Variants in CIB2 observed in about 807,000 individuals in gnomAD.
CIB2 encodes calcium and integrin binding family member 2, also known as calcium and integrin-binding family member 2.
In CIB2, 19 loss-of-function variants were observed where a neutral mutation model predicts 23.1. That is an observed-to-expected ratio of 0.82 (90% CI 0.57 to 1.21). The LOEUF is 1.21. CIB2 is among the 50% of genes most tolerant of loss of function. The pLI is 0.00. For synonymous variants in CIB2, 94 were observed against 91.7 expected, an observed-to-expected ratio of 1.03 and a Z score of -0.14; for missense variants, 220 against 241.5, an observed-to-expected ratio of 0.91 and a Z score of 0.59.
At position 78,105,490 on chromosome 15, in the gene CIB2, C is replaced by T. The variant is rs952748198; in HGVS notation, c.543-158G>A. Reference sequence around the variant, plus strand: ...GCAGGTAATCAACACTGGGGGAAGACGGAGGAACAGCGGTGCCCAGGGAGT... The same window carrying T: ...GCAGGTAATCAACACTGGGGGAAGATGGAGGAACAGCGGTGCCCAGGGAGT... On this transcript the variant is annotated intron_variant, in intron 5 of 5. Coordinates refer to ENST00000258930, the MANE Select transcript of CIB2 (RefSeq NM_006383.4). 2.6e-5 allele frequency: 39 copies of T among 1,512,962 alleles called. No individual in the cohort carries two copies. The Middle Eastern group carries it at 7.1e-4, about 28-fold the overall frequency. The allele number at this position is 1,512,962 out of a possible 1,614,324, so 93.7% of individuals were successfully genotyped here.
At chr15:78,118,350 T>C (rs2074269449) in intron 2 of CIB2, among the ~76,000 whole-genome samples, 1 of 152,118 alleles carries the variant, frequency 6.6e-6, no homozygotes, top group Non-Finnish European at 1.5e-5. Flanking sequence ...CCCAGCACTT[T>C]GGAAGCCCAA....
At chr15:78,115,540 C>T (rs1009868746) in intron 2 of CIB2, among the ~76,000 whole-genome samples, 2 of 152,028 alleles carry the variant, frequency 1.3e-5, no homozygotes, top group Non-Finnish European at 2.9e-5. Flanking sequence ...AGATTACAAG[C>T]ATGAGCCACC....
chr15:78,117,182 T>A (rs2074251541), intron 2 of CIB2, among the ~76,000 whole-genome samples: 1 of 144,100 alleles, frequency 6.9e-6, no homozygotes, highest in African/African-American at 2.6e-5. Context: ...GCAAATGATC[T>A]ATTTGGGATC....
Position 78,109,270 on chromosome 15 carries a change from CGG to C in CIB2, c.309_310del (p.Glu105AlafsTer11), listed in dbSNP as rs762127980. 2.0e-5 allele frequency: 32 copies of C among 1,590,176 alleles called. No individual in the cohort carries two copies. The highest frequency in any genetic ancestry group is 2.7e-5 in the Non-Finnish European group (32 of 1,166,334). Reference sequence around the variant, plus strand: ...GAAGGCATAGTTTGCCTTGAGCTCTCGGGGAGCCGACTCGCAGAGCACGGAAA... The same window carrying C: ...GAAGGCATAGTTTGCCTTGAGCTCTCGGAGCCGACTCGCAGAGCACGGAAA... On this transcript the variant is annotated frameshift_variant, in exon 4 of 6. Coordinates refer to ENST00000258930, the MANE Select transcript of CIB2 (RefSeq NM_006383.4). LOFTEE classifies it high-confidence loss of function.
At chr15:78,113,691 C>A (rs755232995) in intron 2 of CIB2, among the ~76,000 whole-genome samples, 2 of 152,064 alleles carry the variant, frequency 1.3e-5, no homozygotes, top group South Asian at 2.1e-4. Flanking sequence ...CCACAATGCC[C>A]GGCACATTTT....
At position 78,117,246 on chromosome 15, in the gene CIB2, C is replaced by CAAAAAAAAAAAAAAAAAAAAAA. The variant is rs60332437; in HGVS notation, c.87-5992_87-5971dup. On this transcript the variant is annotated intron_variant, in intron 2 of 5. Coordinates refer to ENST00000258930, the MANE Select transcript of CIB2 (RefSeq NM_006383.4). ...GTTAAGTGTTTCTTCAAGCTACTGG[C>CAAAAAAAAAAAAAAAAAAAAAA]AAAAAAAAAAAAAAAAAAAAAAAAA... Among the ~76,000 whole-genome samples, 58 of 55,468 alleles carry CAAAAAAAAAAAAAAAAAAAAAA rather than the reference C, an allele frequency of 1.0e-3. 6 individuals are homozygous for CAAAAAAAAAAAAAAAAAAAAAA. The highest frequency in any genetic ancestry group is 1.2e-3 in the Non-Finnish European group (39 of 33,038). 36.4% of individuals were successfully genotyped at this position (55,468 alleles called of 152,430 possible). A position where few individuals can be genotyped will look rare whatever the true frequency, so the allele number is the denominator to read the frequency against.
intron 1 of CIB2, among the ~76,000 whole-genome samples, chr15:78,130,228 G>T (rs140710969): frequency 6.7e-6 from 1 of 150,288 alleles, no homozygotes; most frequent in African/African-American, 2.5e-5. Flanking sequence ...GACTTGAAGG[G>T]TGAAAGAGAT....
intron 2 of CIB2, among the ~76,000 whole-genome samples, chr15:78,119,773 A>G (rs1050309357): frequency 1.3e-5 from 2 of 151,974 alleles, no homozygotes; most frequent in Non-Finnish European, 2.9e-5. Context: ...GGGTTTCACC[A>G]TGTTGGCCAG....
At chr15:78,122,817 G>A (rs775705368) in intron 2 of CIB2, among the ~76,000 whole-genome samples, 2 of 152,226 alleles carry the variant, frequency 1.3e-5, no homozygotes, top group African/African-American at 2.4e-5. Flanking sequence ...AGCAGCCTGG[G>A]TAGAGAGGAA....
chr15:78,108,598 C>T lies in CIB2; in HGVS notation c.346+637G>A, dbSNP rs566810773. Among the ~76,000 whole-genome samples, 8 of 151,848 alleles carry T rather than the reference C, an allele frequency of 5.3e-5. No homozygotes were observed. In the South Asian group the frequency reaches 8.3e-4, roughly 16 times the overall value. ...AGGTGGCCCTACCTCAGGCAGTATT[C>T]GGGGGGGCTCCAGAGGCCCCCCTGC... On this transcript the variant is annotated intron_variant, in intron 4 of 5. Transcript: ENST00000258930.
intron 3 of CIB2, 54 bp from the exon 4 acceptor site, chr15:78,109,436 C>T (rs773316705): frequency 1.6e-5 from 25 of 1,608,478 alleles, no homozygotes; most frequent in Middle Eastern, 1.7e-4. Flanking sequence ...CAGGAGGGCC[C>T]CGGAGCCAGA....
intron 4 of CIB2, among the ~76,000 whole-genome samples, chr15:78,107,442 TGCTG>T (rs2074088542): frequency 1.3e-5 from 2 of 152,196 alleles, no homozygotes; most frequent in Admixed American, 6.5e-5. Flanking sequence ...TGGAAAGATT[TGCTG>T]GCTGGCTGGC....
chr15:78,122,355 G>T (rs1041576247), intron 2 of CIB2, among the ~76,000 whole-genome samples: 6 of 152,222 alleles, frequency 3.9e-5, no homozygotes, highest in African/African-American at 1.4e-4. Flanking sequence ...AAATGGCCGT[G>T]GGCCTCAGAA....
intron 2 of CIB2, chr15:78,120,734 G>A: frequency 2.0e-6 from 2 of 985,638 alleles, no homozygotes; most frequent in Non-Finnish European, 2.4e-6. Flanking sequence ...CTGCCCCAAA[G>A]TTGCCACAGA....
chr15:78,124,440 G>C (rs1306514459), intron 1 of CIB2, among the ~76,000 whole-genome samples: 1 of 151,948 alleles, frequency 6.6e-6, no homozygotes, highest in Non-Finnish European at 1.5e-5. Flanking sequence ...TGGCTCCTAG[G>C]GCCATCCAGA....
intron 4 of CIB2, among the ~76,000 whole-genome samples, chr15:78,107,120 A>G (rs2074083611): frequency 6.6e-6 from 1 of 152,042 alleles, no homozygotes; most frequent in South Asian, 2.1e-4. Context: ...CTGTAGTCCC[A>G]GCTACTCAGG....
At chr15:78,118,607 A>C (rs918766772) in intron 2 of CIB2, among the ~76,000 whole-genome samples, 14 of 149,436 alleles carry the variant, frequency 9.4e-5, no homozygotes, top group African/African-American at 3.4e-4. Context: ...AAAAAAAAAA[A>C]TTGTGATAAA....
chr15:78,130,253 A>G (rs1450532709), intron 1 of CIB2, among the ~76,000 whole-genome samples: 1 of 150,492 alleles, frequency 6.6e-6, no homozygotes, highest in East Asian at 1.9e-4. Context: ...TGGAGGGGGG[A>G]AAGGCATCCA....
intron 1 of CIB2, among the ~76,000 whole-genome samples, chr15:78,128,736 A>G: frequency 1.4e-5 from 2 of 139,614 alleles, no homozygotes; most frequent in Admixed American, 7.3e-5. Context: ...ATGAAGGAAG[A>G]GTGAGAGAAC....
Sources: allele counts gnomAD v4.1 joint callset (sites outside exome capture counted in the v4.1 genomes callset), GRCh38; gene constraint gnomAD v4.1.1; transcripts MANE v1.5; gene names NCBI Gene and HGNC (gene_info 2026-07-23, HGNC 2026-07-21).